The following SFPQ variants were observed in gnomAD, a reference collection of about 807,000 sequenced individuals.
SFPQ encodes the protein splicing factor, proline- and glutamine-rich.
In SFPQ, 11 loss-of-function variants were observed where a neutral mutation model predicts 72.9. The ratio of observed to expected loss-of-function variants is 0.15; its 90% CI spans 0.09 to 0.25. SFPQ has a LOEUF of 0.25. SFPQ is among the 10% of genes least tolerant of loss of function. The probability of loss-of-function intolerance (pLI) is 1.00; values close to 1 mark genes in which losing one functional copy is unlikely to be tolerated. For synonymous variants in SFPQ, 506 were observed against 367.3 expected, an observed-to-expected ratio of 1.38 and a Z score of -4.32; for missense variants, 847 against 993.3, an observed-to-expected ratio of 0.85 and a Z score of 1.98.
chr1:35,179,792 G>A, downstream of SFPQ: 1 of 1,054,026 alleles, frequency 9.5e-7, no homozygotes, highest in East Asian at 5.4e-5. Flanking sequence ...TTACTGACTG[G>A]TAAGAAATAG....
rs1413351570 is a variant in SFPQ, at chr1:35,192,698, C to T, written c.352G>A (p.Ala118Thr). The change falls in exon 1 of 10, where the codon GCT becomes ACT. Residue 118 changes from alanine (A) to threonine (T), a missense_variant. Ala to Thr is a moderately conservative substitution (Grantham distance 58, BLOSUM62 0). Transcript: ENST00000357214. ...KPVVAQGPGP[A>T]PGVGSAPPAS... The stretch of plus-strand genomic sequence containing the variant: ...GGTGGTGCGCTGCCTACTCCGGGAG[C>T]GGGGCCGGGTCCCTGAGCAACGACG... 3 of 1,442,610 alleles carry T rather than the reference C, an allele frequency of 2.1e-6. No individual in the cohort carries two copies. The highest frequency in any genetic ancestry group is 2.8e-5 in the South Asian group (2 of 70,182). 89.4% of individuals were successfully genotyped at this position (1,442,610 alleles called of 1,614,324 possible). A position where few individuals can be genotyped will look rare whatever the true frequency, so the allele number is the denominator to read the frequency against.
downstream of SFPQ, chr1:35,180,120 GAA>G (rs1298213998): frequency 2.9e-6 from 3 of 1,048,878 alleles, no homozygotes; most frequent in South Asian, 4.6e-5. Flanking sequence ...ATACACAGAA[GAA>G]AAGTCTCATA....
chr1:35,178,547 T>C (rs1639340176), downstream of SFPQ: 2 of 1,060,652 alleles, frequency 1.9e-6, no homozygotes, highest in African/African-American at 3.3e-5. Flanking sequence ...CAATCCTTTG[T>C]ATTTACCTCA....
rs1313538840 is a variant in SFPQ at position 35,184,345 on chromosome 1, ACTG to A, written c.*108_*110del. The A allele has an allele frequency of 1.0e-5, 16 of 1,539,868 alleles. No homozygotes were observed. In the African/African-American group the frequency reaches 1.8e-4, roughly 18 times the overall value. ...CCATTTACAAATATTAGGTCAATAA[ACTG>A]CTAACATCCATAAAAAGATAGCTTT... On this transcript the variant is annotated 3_prime_UTR_variant, in exon 10 of 10. Coordinates refer to ENST00000357214, the MANE Select transcript of SFPQ (RefSeq NM_005066.3).
Position 35,187,121 on chromosome 1 carries a change from A to G in SFPQ, c.1866T>C (p.Asp622=). Residue 622 remains aspartate (D), a splice_region_variant and synonymous_variant, in exon 9 of 10, where the codon GAT becomes GAC. Coordinates refer to ENST00000357214, the MANE Select transcript of SFPQ (RefSeq NM_005066.3). The stretch of plus-strand genomic sequence containing the variant: ...ATTTCTGGCCTCCTGAACCATAGGG[A>G]TCTAGAAAACAAAAATAGTGGTTAC... ...MGGGGAMNMG[D]PYGSGGQKFP... 1.2e-6 allele frequency: 2 copies of G among 1,614,006 alleles called. No individual in the cohort carries two copies. The highest frequency in any genetic ancestry group is 2.2e-5 in the South Asian group (2 of 91,080).
chr1:35,188,912 G>C, intron 6 of SFPQ, 91 bp downstream of exon 6: 1 of 963,534 alleles, frequency 1.0e-6, no homozygotes, highest in Non-Finnish European at 1.6e-6. Flanking sequence ...GGTGAGCTGA[G>C]ACTGCACCAC....
Position 35,192,569 on chromosome 1 carries a change from G to A in SFPQ, c.481C>T (p.Pro161Ser), listed in dbSNP as rs960689043. The change falls in exon 1 of 10, where the codon CCT (proline) becomes TCT (serine). Residue 161 changes from proline (P) to serine (S), a missense_variant. Physicochemically the swap from Pro to Ser is moderately conservative, Grantham distance 74. Around this residue, in one of 6 missense-constraint regions of SFPQ, gnomAD observed 498 missense variants for 405.1 expected, o/e 1.23. Transcript: ENST00000357214. Reference protein sequence around the residue: ...PTPPPAVTSAPPGAPPPTPPS... With the variant: ...PTPPPAVTSASPGAPPPTPPS... ...GGGGTGGGTGGCGGCGCCCCGGGAG[G>A]GGCCGAGGTGACTGCAGGCGGCGGG... 2.2e-6 allele frequency: 3 copies of A among 1,334,348 alleles called. No individual in the cohort carries two copies. Among genetic ancestry groups the A allele is most frequent in the African/African-American group, 1.5e-5 (1 of 64,752 alleles). The allele number at this position is 1,334,348 out of a possible 1,614,324, so 82.7% of individuals were successfully genotyped here.
At chr1:35,186,883 A>G in intron 9 of SFPQ, 118 bp downstream of exon 9, 1 of 933,334 alleles carries the variant, frequency 1.1e-6, no homozygotes. Flanking sequence ...TGAAATTGGT[A>G]GGGGAAACTA....
chr1:35,179,792 G>T (rs2148604960), downstream of SFPQ: 1 of 1,054,026 alleles, frequency 9.5e-7, no homozygotes. Context: ...TTACTGACTG[G>T]TAAGAAATAG....
In SFPQ at chr1:35,184,599, G is replaced by A. The variant is rs749094676; in HGVS notation, c.1987-6C>T. ...TGCCCAAAGCGCTCAGTACGCTATT[G>A]GAACAGTAATTAACAGTTCATTATA... On this transcript the variant is annotated splice_region_variant and splice_polypyrimidine_tract_variant and intron_variant, in intron 9 of 9. Coordinates refer to ENST00000357214, the MANE Select transcript of SFPQ (RefSeq NM_005066.3). The A allele has an allele frequency of 4.5e-6, 7 of 1,572,352 alleles. No homozygotes were observed. The highest frequency in any genetic ancestry group is 5.1e-6 in the Non-Finnish European group (6 of 1,165,762).
At chr1:35,181,691 A>G, downstream of SFPQ, 1 of 1,061,198 alleles carries the variant, frequency 9.4e-7, no homozygotes, top group Non-Finnish European at 1.1e-6. Flanking sequence ...GGAAATGGGG[A>G]CAAGTGGTTT....
Position 35,184,492 on chromosome 1 carries a change from T to C in SFPQ, c.2088A>G (p.Glu696=). Residue 696 remains glutamate (E), a synonymous_variant, in exon 10 of 10, where the codon GAA becomes GAG. Coordinates refer to ENST00000357214, the MANE Select transcript of SFPQ (RefSeq NM_005066.3). ...GTPAGYGRGR[E]EYEGPNKKPR... ...GTTTTTTGTTTGGGCCTTCGTACTCTTCTCTCCCTCTACCATATCCTGCTG... is the reference window on the plus strand; with the variant it reads ...GTTTTTTGTTTGGGCCTTCGTACTCCTCTCTCCCTCTACCATATCCTGCTG... 6.2e-7 allele frequency: 1 copy of C among 1,612,974 alleles called. No homozygotes were observed. The highest frequency in any genetic ancestry group is 8.5e-7 in the Non-Finnish European group (1 of 1,179,544).
rs1557821916 is a variant in SFPQ at position 35,193,096 on chromosome 1, G to A, written c.-47C>T. On this transcript the variant is annotated 5_prime_UTR_variant, in exon 1 of 10. Coordinates refer to ENST00000357214, the MANE Select transcript of SFPQ (RefSeq NM_005066.3). ...GAGGCAAAAGCGAAGAAGACGCTCA[G>A]GAAACGTGGAGGCCACCTTGCTTCT... 1.3e-6 allele frequency: 2 copies of A among 1,504,140 alleles called. No homozygotes were observed. The highest frequency in any genetic ancestry group is 1.8e-6 in the Non-Finnish European group (2 of 1,135,788). The allele number at this position is 1,504,140 out of a possible 1,614,324, so 93.2% of individuals were successfully genotyped here. A position where few individuals can be genotyped will look rare whatever the true frequency, so the allele number is the denominator to read the frequency against.
At chr1:35,179,329 T>C (rs925637281), downstream of SFPQ, 3 of 1,058,630 alleles carry the variant, frequency 2.8e-6, no homozygotes, top group Non-Finnish European at 2.3e-6. Context: ...CTATTATGCA[T>C]TCTTGGTAGG....
intron 6 of SFPQ, 26 bp downstream of exon 6, chr1:35,188,977 G>C: frequency 6.4e-7 from 1 of 1,570,696 alleles, no homozygotes; most frequent in South Asian, 1.1e-5. Context: ...AATAAATGAA[G>C]GCTTAAACCT....
At chr1:35,180,374 G>A (rs1053781105), downstream of SFPQ, 3 of 1,043,892 alleles carry the variant, frequency 2.9e-6, no homozygotes, top group African/African-American at 5.0e-5. Context: ...CTAAAGCTAA[G>A]GGAACCAAAT....
downstream of SFPQ, chr1:35,181,285 A>G: frequency 2.8e-6 from 3 of 1,065,628 alleles, no homozygotes; most frequent in Non-Finnish European, 3.4e-6. Context: ...CCACTACTTT[A>G]ATAGTGCATA....
rs1193280571 is a variant in SFPQ, at chr1:35,183,585, A to C, written c.*871T>G. The C allele has an allele frequency of 9.8e-7, 1 of 1,021,992 alleles. No individual in the cohort carries two copies. Among genetic ancestry groups the C allele is most frequent in the African/African-American group, 1.7e-5 (1 of 58,668 alleles). The allele number at this position is 1,021,992 out of a possible 1,614,324, so 63.3% of individuals were successfully genotyped here. On this transcript the variant is annotated 3_prime_UTR_variant, in exon 10 of 10. Coordinates refer to ENST00000357214, the MANE Select transcript of SFPQ (RefSeq NM_005066.3). ...ACACCCCATCTTTATAAATCACTTG[A>C]ATACATGAAAAGACTTCATGTTTAA...
chr1:35,180,194 C>T (rs757531385), downstream of SFPQ: 66 of 1,051,416 alleles, frequency 6.3e-5, no homozygotes, highest in Non-Finnish European at 7.1e-5. Context: ...AGAGCAGAAA[C>T]ATTATACATG....
Sources: gnomAD v4.1 joint callset for allele counts on GRCh38, gnomAD v4.1.1 for gene constraint, gnomAD v4.1.1 regional missense constraint, MANE v1.5 for transcripts, NCBI Gene and HGNC (gene_info 2026-07-23, HGNC 2026-07-21) for gene names.